The following TTC7B variants were observed in gnomAD, a reference collection of about 807,000 sequenced individuals.
The protein encoded by TTC7B is tetratricopeptide repeat domain 7B, also known as tetratricopeptide repeat protein 7B.
TTC7B carries 28 observed loss-of-function variants against 106.8 expected under a neutral mutation model. That is an observed-to-expected ratio of 0.26 (90% confidence interval 0.19 to 0.36). The LOEUF is 0.36. Among genes scored for constraint, TTC7B ranks in the 10% least tolerant of loss-of-function variants. The pLI is 1.00. For missense variants in TTC7B, 862 were observed against 1,076.4 expected (o/e 0.80, Z 2.79); for synonymous variants, 405 against 430.6 (o/e 0.94, Z 0.74).
chr14:90,743,272 C>T (rs562694564), intron 4 of TTC7B, among the ~76,000 whole-genome samples: 1 of 152,294 alleles, frequency 6.6e-6, no homozygotes, highest in South Asian at 2.1e-4. Context: ...CTCTCTCCAC[C>T]TCTCCTGCTG....
At chr14:90,596,440 G>A (rs1183618582) in intron 17 of TTC7B, among the ~76,000 whole-genome samples, 1 of 151,978 alleles carries the variant, frequency 6.6e-6, no homozygotes, top group Non-Finnish European at 1.5e-5. Context: ...TGATGATGGC[G>A]ATGATGATGA....
chr14:90,661,075 C>T lies in TTC7B; in HGVS notation c.1153-2688G>A, dbSNP rs147344142. Among the ~76,000 whole-genome samples the T allele has an allele frequency of 8.9e-3, 1,361 of 152,302 alleles. 24 individuals are homozygous for T. The highest frequency in any genetic ancestry group is 0.031 in the African/African-American group (1,286 of 41,572). ...GCCCTCAGCCCTGCCCCTTCACAGC[C>T]GGAAGTAGGGTGGCCAGGAACACTG... On this transcript the variant is annotated intron_variant, in intron 9 of 19. Coordinates refer to ENST00000328459, the MANE Select transcript of TTC7B (RefSeq NM_001010854.2).
chr14:90,605,291 T>C (rs1003293964), intron 17 of TTC7B, among the ~76,000 whole-genome samples: 2 of 150,696 alleles, frequency 1.3e-5, no homozygotes, highest in Non-Finnish European at 3.0e-5. Context: ...TTTTTATGCA[T>C]TTATATCAAC....
At chr14:90,637,094 T>G (rs1884977815) in intron 15 of TTC7B, among the ~76,000 whole-genome samples, 1 of 151,706 alleles carries the variant, frequency 6.6e-6, no homozygotes, top group African/African-American at 2.4e-5. Context: ...GACAAAAAAG[T>G]TACTGGTTGT....
intron 19 of TTC7B, among the ~76,000 whole-genome samples, chr14:90,573,939 C>T (rs1054903938): frequency 6.6e-6 from 1 of 152,234 alleles, no homozygotes; most frequent in Non-Finnish European, 1.5e-5. Flanking sequence ...CTCCTGAAAG[C>T]CCTTGTTCCC....
chr14:90,696,584 C>T (rs1021775418), intron 5 of TTC7B, among the ~76,000 whole-genome samples: 4 of 152,192 alleles, frequency 2.6e-5, no homozygotes, highest in Non-Finnish European at 5.9e-5. Context: ...TTAAATCAAA[C>T]TGAATGTGGG....
chr14:90,577,967 A>G lies in TTC7B; in HGVS notation c.2310+139T>C. 1.9e-6 allele frequency: 2 copies of G among 1,079,686 alleles called. No individual in the cohort carries two copies. The highest frequency in any genetic ancestry group is 1.5e-5 in the South Asian group (1 of 65,306). 66.9% of individuals were successfully genotyped at this position (1,079,686 alleles called of 1,614,324 possible). ...GGTAGAAACGGTGCCCTCTGGCTTCAGGCCATGTGACAGCCTGGCAAGCTA... is the reference window on the plus strand; with the variant it reads ...GGTAGAAACGGTGCCCTCTGGCTTCGGGCCATGTGACAGCCTGGCAAGCTA... On this transcript the variant is annotated intron_variant, in intron 19 of 19. Transcript: ENST00000328459. The surrounding 1 kb of genome is among the most constrained non-coding windows in gnomAD (Gnocchi z 5.0).
chr14:90,703,963 G>A (rs1196475212), intron 5 of TTC7B, among the ~76,000 whole-genome samples: 1 of 152,172 alleles, frequency 6.6e-6, no homozygotes, highest in African/African-American at 2.4e-5. Flanking sequence ...ATGAGAAGAA[G>A]GACTGGAAGT....
intron 5 of TTC7B, among the ~76,000 whole-genome samples, chr14:90,706,427 T>C (rs1346646933): frequency 1.3e-5 from 2 of 152,180 alleles, no homozygotes; most frequent in East Asian, 3.8e-4. Flanking sequence ...CCTCCCAAAG[T>C]GCTGGGATTA....
chr14:90,610,906 C>A (rs1892845909), intron 16 of TTC7B, 67 bp from the exon 17 acceptor site: 2 of 1,035,052 alleles, frequency 1.9e-6, no homozygotes, highest in South Asian at 1.3e-5. Context: ...GAGAGGCAAC[C>A]AATACTGACT....
chr14:90,525,722 G>T lies in TTC7B; in HGVS notation c.*15646C>A, dbSNP rs1165411080. 2 of 149,020 alleles carry T rather than the reference G, an allele frequency of 1.3e-5. No individual in the cohort carries two copies. Among genetic ancestry groups the T allele is most frequent in the African/African-American group, 5.0e-5 (2 of 40,306 alleles). 9.2% of individuals were successfully genotyped at this position (149,020 alleles called of 1,614,324 possible). ...CCCAACCCAGTTGACTAATATTTGG[G>T]TCGGTGGAGCCCGAATAATACAATA... On this transcript the variant is annotated 3_prime_UTR_variant, in exon 20 of 20. Coordinates refer to ENST00000328459, the MANE Select transcript of TTC7B (RefSeq NM_001010854.2).
intron 1 of TTC7B, among the ~76,000 whole-genome samples, chr14:90,796,621 G>C (rs1382017125): frequency 6.6e-6 from 1 of 151,972 alleles, no homozygotes; most frequent in South Asian, 2.1e-4. Flanking sequence ...GATCAGATGA[G>C]GAAGAAAAAA....
In TTC7B at chr14:90,569,193, T is replaced by G. The variant is rs74437505; in HGVS notation, c.2310+8913A>C. Among the ~76,000 whole-genome samples, 66 of 152,314 alleles carry G rather than the reference T, an allele frequency of 4.3e-4. No individual in the cohort carries two copies. The East Asian group carries it at 0.012, about 27-fold the overall frequency. On this transcript the variant is annotated intron_variant, in intron 19 of 19. Coordinates refer to ENST00000328459, the MANE Select transcript of TTC7B (RefSeq NM_001010854.2). ...CTCCTTAAGGCAGTGGTGAAAGCCA[T>G]GAAAAGGCCTCGGTGCTGTGGAAAG...
In TTC7B at chr14:90,593,624, A is replaced by G. The variant is rs1892067366; in HGVS notation, c.1969T>C (p.Ser657Pro). The G allele has an allele frequency of 6.3e-7, 1 of 1,592,892 alleles. No homozygotes were observed. Among genetic ancestry groups the G allele is most frequent in the Non-Finnish European group, 8.6e-7 (1 of 1,168,608 alleles). ...GCTGCTACCGATGTGGCATGGACGG[A>G]GCCTGTGAGAGGTTTTTGAGAAGAC... ...LPDFSDPETG[S>P]VHATSVAASR... Residue 657 changes from serine (S) to proline (P), a missense_variant and splice_region_variant, in exon 18 of 20, where the codon TCC becomes CCC. Physicochemically the swap from Ser to Pro is moderately conservative, Grantham distance 74 (BLOSUM62 -1). Coordinates refer to ENST00000328459, the MANE Select transcript of TTC7B (RefSeq NM_001010854.2).
intron 8 of TTC7B, among the ~76,000 whole-genome samples, chr14:90,678,128 T>A (rs988753797): frequency 6.6e-6 from 1 of 152,222 alleles, no homozygotes; most frequent in Admixed American, 6.5e-5. Flanking sequence ...ATGCATTCTT[T>A]TCATTTTTAG....
chr14:90,556,217 G>C (rs552689404), intron 19 of TTC7B, among the ~76,000 whole-genome samples: 1 of 152,280 alleles, frequency 6.6e-6, no homozygotes, highest in African/African-American at 2.4e-5. Flanking sequence ...GGAAGCCTTG[G>C]GGTCCCCAGC....
rs1889807125 is a variant in TTC7B at position 90,742,431 on chromosome 14, T to A, written c.576+2361A>T. On this transcript the variant is annotated intron_variant, in intron 4 of 19. Coordinates refer to ENST00000328459, the MANE Select transcript of TTC7B (RefSeq NM_001010854.2). The surrounding 1 kb of genome is among the most constrained non-coding windows in gnomAD (Gnocchi z 4.1). ...CTTCTGGCCTCAGGTGATCCTCCTGTCTCGGCCTCTCAAAGTGCTGGGATT... is the reference window on the plus strand; with the variant it reads ...CTTCTGGCCTCAGGTGATCCTCCTGACTCGGCCTCTCAAAGTGCTGGGATT... 6.6e-6 allele frequency among the ~76,000 whole-genome samples: 1 copy of A among 152,064 alleles called. No homozygotes were observed. The highest frequency in any genetic ancestry group is 1.5e-5 in the Non-Finnish European group (1 of 68,006).
intron 1 of TTC7B, among the ~76,000 whole-genome samples, chr14:90,804,196 G>A (rs1006371597): frequency 4.6e-5 from 7 of 152,128 alleles, no homozygotes; most frequent in East Asian, 1.9e-4. Flanking sequence ...TTAGCCGGGC[G>A]TGGTGGGGGC....
At position 90,528,817 on chromosome 14, in the gene TTC7B, T is replaced by G. The variant is rs1889211537; in HGVS notation, c.*12551A>C. 1.3e-5 allele frequency: 2 copies of G among 152,714 alleles called. No individual in the cohort carries two copies. Among genetic ancestry groups the G allele is most frequent in the African/African-American group, 4.9e-5 (2 of 41,184 alleles). 9.5% of individuals were successfully genotyped at this position (152,714 alleles called of 1,614,324 possible). A position where few individuals can be genotyped will look rare whatever the true frequency, so the allele number is the denominator to read the frequency against. On this transcript the variant is annotated 3_prime_UTR_variant, in exon 20 of 20. Transcript: ENST00000328459. ...TCTGGTGGTGTGACCCAACTGCACT[T>G]TGTTACCTGTTTCTGATGGTGTGAC...
Sources: allele counts gnomAD v4.1 joint callset (sites outside exome capture counted in the v4.1 genomes callset), GRCh38; gene constraint gnomAD v4.1.1; non-coding constraint Gnocchi (gnomAD v3.1); transcripts MANE v1.5; gene names NCBI Gene and HGNC (gene_info 2026-07-23, HGNC 2026-07-21).